Variants in C8orf76 observed in about 807,000 individuals in gnomAD.
C8orf76 encodes chromosome 8 open reading frame 76.
Under a neutral mutation model 38.1 loss-of-function variants are expected in C8orf76, and 46 were observed. The observed-to-expected ratio is 1.21, with a 90% CI of 0.95 to 1.54. The LOEUF is 1.54. Among genes scored for constraint, C8orf76 ranks in the 40% most tolerant of loss-of-function variants. The probability of loss-of-function intolerance (pLI) is 0.00; values close to 1 mark genes in which losing one functional copy is unlikely to be tolerated. For missense variants in C8orf76, 461 were observed against 441.6 expected, an observed-to-expected ratio of 1.04 and a Z score of -0.39; for synonymous variants, 166 against 167.5, an observed-to-expected ratio of 0.99 and a Z score of 0.07.
At chr8:123,235,869 G>T (rs534528427) in intron 3 of C8orf76, among the ~76,000 whole-genome samples, 70 of 152,302 alleles carry the variant, frequency 4.6e-4, no homozygotes, top group African/African-American at 1.3e-3. Flanking sequence ...AAGAAACGCC[G>T]AGCGAGCAGG....
chr8:123,235,962 C>T (rs1400619090), intron 3 of C8orf76, among the ~76,000 whole-genome samples: 1 of 152,188 alleles, frequency 6.6e-6, no homozygotes, highest in East Asian at 1.9e-4. Flanking sequence ...GAAATGAACA[C>T]AATGAAATCC....
rs192687982 is a variant in C8orf76 at position 123,222,263 on chromosome 8, C to A, written c.949-1966G>T. ...CCTCCCAAAGTGCTGGGATTACGGGCGTGCGCCACCGCGCCCGGCAGGCAT... is the reference window on the plus strand; with the variant it reads ...CCTCCCAAAGTGCTGGGATTACGGGAGTGCGCCACCGCGCCCGGCAGGCAT... On this transcript the variant is annotated intron_variant, in intron 5 of 5. Transcript: ENST00000276704. 4.6e-5 allele frequency among the ~76,000 whole-genome samples: 7 copies of A among 152,284 alleles called. No homozygotes were observed. The East Asian group carries it at 9.7e-4, about 21-fold the overall frequency.
intron 5 of C8orf76, among the ~76,000 whole-genome samples, chr8:123,224,888 C>A (rs1563796857): frequency 6.6e-6 from 1 of 152,166 alleles, no homozygotes; most frequent in Non-Finnish European, 1.5e-5. Context: ...GCTATCTATT[C>A]AAGCAATCAC....
intron 4 of C8orf76, among the ~76,000 whole-genome samples, chr8:123,229,200 G>C (rs926076516): frequency 6.6e-6 from 1 of 152,212 alleles, no homozygotes; most frequent in Non-Finnish European, 1.5e-5. Flanking sequence ...CCCACGTGGG[G>C]AATATTAACG....
At chr8:123,237,046 G>C (rs922397436) in intron 3 of C8orf76, 15 of 1,343,566 alleles carry the variant, frequency 1.1e-5, no homozygotes, top group Non-Finnish European at 1.6e-5. Flanking sequence ...ACCTGGTGCT[G>C]CGCCTGCGAG....
At position 123,239,160 on chromosome 8, in the gene C8orf76, A is replaced by G; in HGVS notation, c.118-16T>C. The G allele has an allele frequency of 6.2e-7, 1 of 1,613,022 alleles. No homozygotes were observed. Among genetic ancestry groups the G allele is most frequent in the Non-Finnish European group, 8.5e-7 (1 of 1,179,120 alleles). On this transcript the variant is annotated splice_polypyrimidine_tract_variant and intron_variant, in intron 1 of 5. Transcript: ENST00000276704. ...CATAAAACCACTTGAAATCATGAAAATAGCCTATTACAGAGTGAGCTATGC... is the reference window on the plus strand; with the variant it reads ...CATAAAACCACTTGAAATCATGAAAGTAGCCTATTACAGAGTGAGCTATGC...
intron 3 of C8orf76, among the ~76,000 whole-genome samples, chr8:123,232,388 C>T (rs1203126198): frequency 6.6e-6 from 1 of 152,220 alleles, no homozygotes; most frequent in Non-Finnish European, 1.5e-5. Context: ...AAATCCTTTT[C>T]AAATCTCCTT....
intron 5 of C8orf76, among the ~76,000 whole-genome samples, chr8:123,225,452 G>A (rs1825011089): frequency 1.3e-5 from 2 of 152,196 alleles, no homozygotes; most frequent in African/African-American, 4.8e-5. Context: ...TCAACCCAGA[G>A]GTGACAATGG....
Position 123,226,480 on chromosome 8 carries a change from A to T in C8orf76, c.948+20T>A, listed in dbSNP as rs1338482384. 1 of 1,606,152 alleles carries T rather than the reference A, an allele frequency of 6.2e-7. No homozygotes were observed. Among genetic ancestry groups the T allele is most frequent in the Non-Finnish European group, 8.5e-7 (1 of 1,178,224 alleles). Reference sequence around the variant, plus strand: ...TATCTATGATGCTTCGTTTCACATAAACCCGAGGGATACACTCACCTCAGC... The same window carrying T: ...TATCTATGATGCTTCGTTTCACATATACCCGAGGGATACACTCACCTCAGC... On this transcript the variant is annotated intron_variant, in intron 5 of 5. Transcript: ENST00000276704.
chr8:123,221,888 GAT>G (rs1824902076), intron 5 of C8orf76, among the ~76,000 whole-genome samples: 1 of 152,214 alleles, frequency 6.6e-6, no homozygotes, highest in South Asian at 2.1e-4. Flanking sequence ...CAGCCTGGGA[GAT>G]AGAGTGAGAC....
chr8:123,236,831 T>G (rs1006675643), intron 3 of C8orf76: 84 of 693,902 alleles, frequency 1.2e-4, no homozygotes, highest in Admixed American at 1.9e-4. Context: ...TCAGCGAGGC[T>G]GCCGAGCTCC....
chr8:123,241,186 A>T, intron 1 of C8orf76, 44 bp downstream of exon 1: 1 of 1,522,488 alleles, frequency 6.6e-7, no homozygotes. Context: ...GCGGAGGGCG[A>T]GGCCTGGGGC....
chr8:123,233,196 T>A (rs562010693), intron 3 of C8orf76, among the ~76,000 whole-genome samples: 6 of 146,322 alleles, frequency 4.1e-5, no homozygotes, highest in Non-Finnish European at 1.5e-5. Flanking sequence ...AATTTTTGCA[T>A]AAAGTAAAGA....
At chr8:123,221,264 T>C (rs527856081) in intron 5 of C8orf76, among the ~76,000 whole-genome samples, 6 of 152,344 alleles carry the variant, frequency 3.9e-5, no homozygotes, top group Non-Finnish European at 2.9e-5. Context: ...AGTTCTAAGA[T>C]ACTTTTTTGT....
In C8orf76 at chr8:123,241,242, G is replaced by A; in HGVS notation, c.105C>T (p.Leu35=). 2 of 1,589,014 alleles carry A rather than the reference G, an allele frequency of 1.3e-6. No homozygotes were observed. The highest frequency in any genetic ancestry group is 2.4e-5 in the East Asian group (1 of 41,938). The change falls in exon 1 of 6, where the codon CTC becomes CTT. Residue 35 remains leucine (L), a synonymous_variant. Coordinates refer to ENST00000276704, the MANE Select transcript of C8orf76 (RefSeq NM_032847.3). ...CCCAGCTTCTCACCTGCGGCTCGCA[G>A]AGCTTGGCGCAGTAGGACGCGGGCG... The part of the protein sequence containing the change: ...SGPPASYCAK[L]CEPQWFYEET...
chr8:123,232,098 G>C (rs1039758888), intron 3 of C8orf76, among the ~76,000 whole-genome samples: 1 of 152,134 alleles, frequency 6.6e-6, no homozygotes, highest in African/African-American at 2.4e-5. Context: ...CTTCAGCCAG[G>C]TATCTGAAAG....
intron 1 of C8orf76, among the ~76,000 whole-genome samples, chr8:123,240,582 T>C (rs952884001): frequency 6.6e-6 from 1 of 152,138 alleles, no homozygotes; most frequent in African/African-American, 2.4e-5. Flanking sequence ...TAAAAACTGT[T>C]AGGCACTGCC....
chr8:123,237,901 G>A lies in C8orf76; in HGVS notation c.254C>T (p.Ser85Leu). ...QEYSSISEKL[S>L]STNFAMKRDV... ...CCTTTTCATGGCAAAATTGGTTGAT[G>A]ACAATTTTTCAGAGATACTGGAATA... The change falls in exon 3 of 6, where the codon TCA (serine) becomes TTA (leucine). Residue 85 changes from serine (S) to leucine (L), a missense_variant. Ser to Leu is a moderately radical substitution (Grantham distance 145, BLOSUM62 -2). Coordinates refer to ENST00000276704, the MANE Select transcript of C8orf76 (RefSeq NM_032847.3). 6.2e-7 allele frequency: 1 copy of A among 1,614,028 alleles called. No individual in the cohort carries two copies. Among genetic ancestry groups the A allele is most frequent in the Non-Finnish European group, 8.5e-7 (1 of 1,179,988 alleles).
At chr8:123,220,875 T>C (rs1282654185) in intron 5 of C8orf76, among the ~76,000 whole-genome samples, 1 of 152,184 alleles carries the variant, frequency 6.6e-6, no homozygotes, top group African/African-American at 2.4e-5. Flanking sequence ...CATCACAAAG[T>C]TAGGTTGTAG....
Sources: gnomAD v4.1 joint callset for allele counts (sites outside exome capture counted in the v4.1 genomes callset) on GRCh38, gnomAD v4.1.1 for gene constraint, MANE v1.5 for transcripts, NCBI Gene and HGNC (gene_info 2026-07-23, HGNC 2026-07-21) for gene names.